Variants in NKAIN3 observed in about 807,000 individuals in gnomAD.
NKAIN3 encodes the protein sodium/potassium-transporting ATPase subunit beta-1-interacting protein 3.
Under a neutral mutation model 30.2 loss-of-function variants are expected in NKAIN3, and 25 were observed. The observed-to-expected ratio is 0.83, with a 90% CI of 0.60 to 1.16. NKAIN3 has a LOEUF of 1.16. NKAIN3 is among the 50% of genes most tolerant of loss of function. NKAIN3 has a pLI of 0.00. For missense variants in NKAIN3, 225 were observed against 254.1 expected (o/e 0.89, Z 0.78); for synonymous variants, 91 against 89.6 (o/e 1.02, Z -0.09).
At chr8:62,781,854 T>C (rs887302866) in intron 4 of NKAIN3, among the ~76,000 whole-genome samples, 2 of 151,864 alleles carry the variant, frequency 1.3e-5, no homozygotes, top group Admixed American at 6.6e-5. Context: ...GAAGAACACA[T>C]AGAAAAAACT....
chr8:62,770,856 C>A (rs1816985806), intron 4 of NKAIN3, among the ~76,000 whole-genome samples: 1 of 150,274 alleles, frequency 6.7e-6, no homozygotes, highest in Non-Finnish European at 1.5e-5. Flanking sequence ...TATTTTAACA[C>A]AAAACAAAGC....
intron 4 of NKAIN3, among the ~76,000 whole-genome samples, chr8:62,777,178 T>C (rs1817219209): frequency 6.6e-6 from 1 of 152,162 alleles, no homozygotes; most frequent in African/African-American, 2.4e-5. Context: ...AGGAGCCTTC[T>C]TTAGGTTAAA....
intron 1 of NKAIN3, among the ~76,000 whole-genome samples, chr8:62,281,373 C>T (rs71498609): frequency 6.6e-6 from 1 of 152,054 alleles, no homozygotes; most frequent in African/African-American, 2.4e-5. Flanking sequence ...GTCTCTATCT[C>T]CTTCAATTCT....
chr8:62,564,149 G>A lies in NKAIN3; in HGVS notation c.55-15390G>A, dbSNP rs1809672013. On this transcript the variant is annotated intron_variant, in intron 1 of 6. Coordinates refer to ENST00000623646, the MANE Select transcript of NKAIN3 (RefSeq NM_001304533.3). ...TCCAACAAGTTCTCTTGGTCAGTGTGAAGACTTAAGCAGAATTGACCTACT... is the reference window on the plus strand; with the variant it reads ...TCCAACAAGTTCTCTTGGTCAGTGTAAAGACTTAAGCAGAATTGACCTACT... 2.0e-5 allele frequency among the ~76,000 whole-genome samples: 3 copies of A among 152,194 alleles called. No individual in the cohort carries two copies. In the South Asian group the frequency reaches 6.2e-4, roughly 32 times the overall value.
At chr8:62,691,032 G>A in intron 3 of NKAIN3, among the ~76,000 whole-genome samples, 1 of 152,156 alleles carries the variant, frequency 6.6e-6, no homozygotes, top group East Asian at 1.9e-4. Flanking sequence ...TATAATCCCT[G>A]CCATCTAAAA....
intron 4 of NKAIN3, among the ~76,000 whole-genome samples, chr8:62,814,213 A>T (rs57834913): frequency 0.01 from 1,527 of 151,866 alleles, 24 homozygotes; most frequent in African/African-American, 0.035. Context: ...TTCTGCTATT[A>T]TCTTGCTATA....
chr8:62,936,746 C>T (rs561131235), intron 5 of NKAIN3, among the ~76,000 whole-genome samples: 1 of 152,116 alleles, frequency 6.6e-6, no homozygotes, highest in African/African-American at 2.4e-5. Context: ...ATTCCACTTC[C>T]CCCATAAAAT....
At chr8:62,269,982 A>G (rs1812731382) in intron 1 of NKAIN3, among the ~76,000 whole-genome samples, 1 of 152,204 alleles carries the variant, frequency 6.6e-6, no homozygotes, top group Admixed American at 6.5e-5. Flanking sequence ...ACGAACAATG[A>G]AAACAATTTA....
intron 1 of NKAIN3, among the ~76,000 whole-genome samples, chr8:62,409,029 A>T (rs1342872695): frequency 1.3e-5 from 2 of 152,196 alleles, no homozygotes; most frequent in Non-Finnish European, 2.9e-5. Context: ...CCATACAGAG[A>T]ATCTTACATT....
At chr8:62,592,020 A>T (rs528055737) in intron 3 of NKAIN3, among the ~76,000 whole-genome samples, 1 of 152,040 alleles carries the variant, frequency 6.6e-6, no homozygotes, top group Non-Finnish European at 1.5e-5. Context: ...CCATTTGGAT[A>T]GATTAATAGA....
At chr8:62,575,315 A>G (rs1810075108) in intron 1 of NKAIN3, among the ~76,000 whole-genome samples, 1 of 152,172 alleles carries the variant, frequency 6.6e-6, no homozygotes, top group South Asian at 2.1e-4. Context: ...GCATTTCTGT[A>G]TGCCAACAGC....
At chr8:62,989,275 T>C (rs1824268168), downstream of NKAIN3, among the ~76,000 whole-genome samples, 1 of 152,204 alleles carries the variant, frequency 6.6e-6, no homozygotes, top group South Asian at 2.1e-4. Context: ...TGGTACCAAT[T>C]TACTGTTTTA....
intron 1 of NKAIN3, among the ~76,000 whole-genome samples, chr8:62,346,410 T>C (rs1038512345): frequency 6.6e-6 from 1 of 152,102 alleles, no homozygotes; most frequent in Non-Finnish European, 1.5e-5. Context: ...AATTGTGAAC[T>C]GTACCATATT....
chr8:62,259,662 A>C (rs1404794664), intron 1 of NKAIN3, among the ~76,000 whole-genome samples: 2 of 152,182 alleles, frequency 1.3e-5, no homozygotes. Context: ...CTGTAATGGA[A>C]CATTCTTACC....
downstream of NKAIN3, among the ~76,000 whole-genome samples, chr8:62,988,106 T>A (rs911833592): frequency 6.6e-5 from 10 of 152,210 alleles, no homozygotes; most frequent in Non-Finnish European, 2.9e-5. Context: ...CACGTCCAGG[T>A]CACAGTGATG....
chr8:62,270,114 A>C (rs546374491), intron 1 of NKAIN3, among the ~76,000 whole-genome samples: 1 of 151,932 alleles, frequency 6.6e-6, no homozygotes, highest in African/African-American at 2.4e-5. Flanking sequence ...AGAGGGTCTC[A>C]CTCTGTCAGC....
At chr8:62,745,381 G>A (rs1816037336) in intron 3 of NKAIN3, among the ~76,000 whole-genome samples, 1 of 152,170 alleles carries the variant, frequency 6.6e-6, no homozygotes, top group African/African-American at 2.4e-5. Context: ...ACTGTTGGAG[G>A]GAGTGGAGGC....
chr8:62,645,316 A>T (rs1812429019), intron 3 of NKAIN3, among the ~76,000 whole-genome samples: 1 of 152,110 alleles, frequency 6.6e-6, no homozygotes. Flanking sequence ...CCAAATTTTT[A>T]TTCTATATTT....
chr8:62,260,511 G>A (rs945655089), intron 1 of NKAIN3, among the ~76,000 whole-genome samples: 1 of 152,030 alleles, frequency 6.6e-6, no homozygotes, highest in African/African-American at 2.4e-5. Context: ...GCCATTGTTC[G>A]CTCCAAAGCA....
Sources: gnomAD v4.1 joint callset for allele counts (sites outside exome capture counted in the v4.1 genomes callset) on GRCh38, gnomAD v4.1.1 for gene constraint, MANE v1.5 for transcripts, NCBI Gene and HGNC (gene_info 2026-07-23, HGNC 2026-07-21) for gene names.